RAB4A: variants seen among roughly 807,000 people sequenced by gnomAD.
RAB4A encodes RAB4A, member RAS oncogene family, also known as ras-related protein Rab-4A.
In RAB4A, 20 loss-of-function variants were observed where a neutral mutation model predicts 34.5. The observed-to-expected ratio is 0.58, with a 90% CI of 0.41 to 0.84. The LOEUF is 0.84. RAB4A is among the 40% of genes least tolerant of loss of function. The pLI is 0.00. For synonymous variants in RAB4A, 102 were observed against 100.0 expected, an observed-to-expected ratio of 1.02 and a Z score of -0.12; for missense variants, 228 against 274.5, an observed-to-expected ratio of 0.83 and a Z score of 1.20.
chr1:229,300,402 T>A (rs576439714), intron 6 of RAB4A, among the ~76,000 whole-genome samples: 12 of 152,274 alleles, frequency 7.9e-5, no homozygotes, highest in African/African-American at 2.4e-4. Flanking sequence ...TAGTAAGAGA[T>A]GACTGATTAA....
chr1:229,301,181 A>G lies in RAB4A; in HGVS notation c.542-1681A>G, dbSNP rs576230580. ...TAGGAGGTGAGCAAGCAGAGTGTCC[A>G]CTCCTCTCCTGAGGAAGCACAGGCT... is the stretch of plus-strand genomic sequence containing the variant. On this transcript the variant is annotated intron_variant, in intron 6 of 7. Transcript: ENST00000366690. 6.6e-5 allele frequency among the ~76,000 whole-genome samples: 10 copies of G among 151,980 alleles called. No individual in the cohort carries two copies. In the South Asian group the frequency reaches 2.1e-3, roughly 32 times the overall value.
At chr1:229,293,684 C>G (rs921301902) in intron 3 of RAB4A, among the ~76,000 whole-genome samples, 1 of 152,086 alleles carries the variant, frequency 6.6e-6, no homozygotes, top group African/African-American at 2.4e-5. Context: ...AACACAGAGA[C>G]AGAGACAGAA....
chr1:229,291,455 G>T (rs923826906), intron 3 of RAB4A, among the ~76,000 whole-genome samples: 1 of 152,202 alleles, frequency 6.6e-6, no homozygotes, highest in African/African-American at 2.4e-5. Flanking sequence ...CCTTCCAGGA[G>T]GACCAGGGGA....
intron 6 of RAB4A, among the ~76,000 whole-genome samples, chr1:229,299,421 C>T (rs1657325865): frequency 1.3e-5 from 2 of 152,134 alleles, no homozygotes; most frequent in African/African-American, 4.8e-5. Context: ...CAACAGCACG[C>T]TAATTCTGTT....
At chr1:229,284,540 C>A (rs1162203024) in intron 1 of RAB4A, among the ~76,000 whole-genome samples, 1 of 152,012 alleles carries the variant, frequency 6.6e-6, no homozygotes, top group Non-Finnish European at 1.5e-5. Flanking sequence ...TTGTTGTTGC[C>A]CCTCTTCTCA....
chr1:229,291,945 T>C (rs1361941598), intron 3 of RAB4A, among the ~76,000 whole-genome samples: 2 of 151,944 alleles, frequency 1.3e-5, no homozygotes, highest in Non-Finnish European at 2.9e-5. Context: ...GAAATCATCA[T>C]TCTCAGTAAA....
Position 229,295,887 on chromosome 1 carries a change from T to G in RAB4A, c.267T>G (p.Ala89=). 1 of 1,614,070 alleles carries G rather than the reference T, an allele frequency of 6.2e-7. No individual in the cohort carries two copies. The highest frequency in any genetic ancestry group is 8.5e-7 in the Non-Finnish European group (1 of 1,180,006). ...GTTATTACCGAGGCGCGGCCGGGGC[T>G]CTCCTCGTCTATGATATCACCAGGT... ...TRSYYRGAAG[A]LLVYDITSRE... is the part of the protein sequence containing the mutation. Residue 89 remains alanine (A), a synonymous_variant, in exon 4 of 8, where the codon GCT becomes GCG. Coordinates refer to ENST00000366690, the MANE Select transcript of RAB4A (RefSeq NM_004578.4).
intron 3 of RAB4A, 83 bp downstream of exon 3, chr1:229,288,926 A>C (rs569739924): frequency 2.4e-6 from 2 of 833,492 alleles, no homozygotes; most frequent in East Asian, 2.8e-5. Flanking sequence ...ATAAGGTCTC[A>C]CTCCCTCCCC....
chr1:229,291,363 G>A (rs1011722261), intron 3 of RAB4A, among the ~76,000 whole-genome samples: 2 of 152,180 alleles, frequency 1.3e-5, no homozygotes, highest in Middle Eastern at 3.2e-3. Context: ...GAAGCCAGCA[G>A]GAAGATCCAG....
At chr1:229,272,804 C>T (rs1199669785) in intron 1 of RAB4A, among the ~76,000 whole-genome samples, 2 of 152,110 alleles carry the variant, frequency 1.3e-5, no homozygotes, top group Admixed American at 1.3e-4. Flanking sequence ...GCATTTGGTC[C>T]ACCTTCAGTG....
chr1:229,305,046 A>G lies in RAB4A; in HGVS notation c.*1253A>G. On this transcript the variant is annotated 3_prime_UTR_variant, in exon 8 of 8. Transcript: ENST00000366690. ...CACTGTGACTTTTTAGTTGAAGACT[A>G]GTAAATTAACTTTTAGTTAGAAGAT... 1 of 1,376,370 alleles carries G rather than the reference A, an allele frequency of 7.3e-7. No individual in the cohort carries two copies. The highest frequency in any genetic ancestry group is 9.5e-7 in the Non-Finnish European group (1 of 1,053,480). The allele number at this position is 1,376,370 out of a possible 1,614,324, so 85.3% of individuals were successfully genotyped here. A position where few individuals can be genotyped will look rare whatever the true frequency, so the allele number is the denominator to read the frequency against.
chr1:229,286,853 T>G (rs1656936667), intron 2 of RAB4A, among the ~76,000 whole-genome samples: 2 of 152,178 alleles, frequency 1.3e-5, no homozygotes, highest in South Asian at 4.1e-4. Context: ...AGGAATCCTG[T>G]TTCCTGACAG....
intron 6 of RAB4A, among the ~76,000 whole-genome samples, chr1:229,301,130 A>G (rs536578298): frequency 6.6e-6 from 1 of 152,264 alleles, no homozygotes; most frequent in East Asian, 1.9e-4. Context: ...AAGGTAGAAG[A>G]TGGCTGGCCG....
intron 3 of RAB4A, among the ~76,000 whole-genome samples, chr1:229,293,952 A>G (rs1472432409): frequency 2.0e-5 from 3 of 152,118 alleles, no homozygotes; most frequent in African/African-American, 7.2e-5. Flanking sequence ...GGCTGCTCTG[A>G]AGAATGGACT....
chr1:229,296,608 G>A (rs1003289992), intron 4 of RAB4A, among the ~76,000 whole-genome samples: 2 of 152,224 alleles, frequency 1.3e-5, no homozygotes. Context: ...ACATTCAGCA[G>A]TGCTGATCTC....
intron 3 of RAB4A, among the ~76,000 whole-genome samples, chr1:229,291,161 T>C (rs1162652387): frequency 6.6e-6 from 1 of 152,210 alleles, no homozygotes; most frequent in African/African-American, 2.4e-5. Flanking sequence ...GTGAAATAAT[T>C]CTTCAACCTA....
intron 6 of RAB4A, among the ~76,000 whole-genome samples, chr1:229,299,317 T>C (rs1363656456): frequency 6.6e-6 from 1 of 152,158 alleles, no homozygotes; most frequent in Non-Finnish European, 1.5e-5. Flanking sequence ...TGTGGAAAGG[T>C]AGTCAAGGTT....
At chr1:229,302,167 A>T (rs1209526978) in intron 6 of RAB4A, among the ~76,000 whole-genome samples, 1 of 146,790 alleles carries the variant, frequency 6.8e-6, no homozygotes, top group East Asian at 2.0e-4. Flanking sequence ...CGCTCAACCT[A>T]TGTGTTACCA....
intron 1 of RAB4A, among the ~76,000 whole-genome samples, chr1:229,281,427 T>C (rs237752): frequency 0.019 from 2,930 of 152,224 alleles, 89 homozygotes; most frequent in African/African-American, 0.066. Flanking sequence ...CTGAAGTCTA[T>C]TTTATCTGAT....
Sources: gnomAD v4.1 joint callset for allele counts (sites outside exome capture counted in the v4.1 genomes callset) on GRCh38, gnomAD v4.1.1 for gene constraint, MANE v1.5 for transcripts, NCBI Gene and HGNC (gene_info 2026-07-23, HGNC 2026-07-21) for gene names.